The following PPP4R4 variants were observed in gnomAD, a reference collection of about 807,000 sequenced individuals.
PPP4R4 encodes protein phosphatase 4 regulatory subunit 4, also known as serine/threonine-protein phosphatase 4 regulatory subunit 4.
PPP4R4 carries 70 observed loss-of-function variants against 121.8 expected under a neutral mutation model. That is an observed-to-expected ratio of 0.57 (90% CI 0.47 to 0.70). The LOEUF is 0.70. PPP4R4 is among the 30% of genes least tolerant of loss of function. The pLI, the probability that PPP4R4 is intolerant of heterozygous loss-of-function variation, is 0.00. For missense variants in PPP4R4, 875 were observed against 1,033.6 expected (o/e 0.85, Z 2.10); for synonymous variants, 348 against 355.7 (o/e 0.98, Z 0.24).
At chr14:94,227,211 A>G (rs1891763266) in intron 3 of PPP4R4, 2 of 1,176,386 alleles carry the variant, frequency 1.7e-6, no homozygotes. Flanking sequence ...TACAATAGTA[A>G]TGTAAGAGGA....
At position 94,200,981 on chromosome 14, in the gene PPP4R4, C is replaced by A. The variant is rs141862668; in HGVS notation, c.192-7483C>A. The stretch of plus-strand genomic sequence containing the variant: ...GACATTTAATGCTATGAACTCTCCT[C>A]TTAGCACCGCTTTTGCTCTATCCCA... On this transcript the variant is annotated intron_variant, in intron 2 of 24. Coordinates refer to ENST00000304338, the MANE Select transcript of PPP4R4 (RefSeq NM_058237.2). Among the ~76,000 whole-genome samples, 276 of 152,270 alleles carry A rather than the reference C, an allele frequency of 1.8e-3. 3 individuals are homozygous for A. In the South Asian group the frequency reaches 0.029, roughly 16 times the overall value.
intron 12 of PPP4R4, among the ~76,000 whole-genome samples, chr14:94,245,261 A>G (rs1482413000): frequency 6.6e-6 from 1 of 152,190 alleles, no homozygotes; most frequent in Non-Finnish European, 1.5e-5. Context: ...CACTGAGAAT[A>G]TTATCCAATT....
At chr14:94,239,801 T>C (rs1452313031) in intron 8 of PPP4R4, among the ~76,000 whole-genome samples, 1 of 152,168 alleles carries the variant, frequency 6.6e-6, no homozygotes, top group Non-Finnish European at 1.5e-5. Flanking sequence ...CTTATATTTT[T>C]TGTGTTTGGC....
At chr14:94,230,442 C>T in intron 3 of PPP4R4, 145 bp from the exon 4 acceptor site, 2 of 692,998 alleles carry the variant, frequency 2.9e-6, no homozygotes, top group Non-Finnish European at 2.3e-6. Flanking sequence ...TAATATAGTT[C>T]TCTGAAATAA....
chr14:94,262,065 A>G lies in PPP4R4; in HGVS notation c.2127+2696A>G, dbSNP rs190185551. Among the ~76,000 whole-genome samples the G allele has an allele frequency of 3.9e-5, 6 of 152,138 alleles. No individual in the cohort carries two copies. The East Asian group carries it at 1.2e-3, about 29-fold the overall frequency. On this transcript the variant is annotated intron_variant, in intron 19 of 24. Transcript: ENST00000304338. ...AATGTTATTCTGGCCTCATAAAACA[A>G]GATGGATGGTATTCCCACCTTCTCT...
At chr14:94,238,220 C>T (rs1278998040) in intron 8 of PPP4R4, among the ~76,000 whole-genome samples, 1 of 152,260 alleles carries the variant, frequency 6.6e-6, no homozygotes, top group Non-Finnish European at 1.5e-5. Flanking sequence ...ACCCATGCGG[C>T]CCCACCTCTT....
At chr14:94,255,949 C>T (rs1330996579) in intron 16 of PPP4R4, among the ~76,000 whole-genome samples, 1 of 152,124 alleles carries the variant, frequency 6.6e-6, no homozygotes, top group African/African-American at 2.4e-5. Context: ...GCATAGTGGC[C>T]AATTTGCTCA....
intron 5 of PPP4R4, among the ~76,000 whole-genome samples, chr14:94,233,373 A>G (rs1892157622): frequency 6.6e-6 from 1 of 152,226 alleles, no homozygotes; most frequent in African/African-American, 2.4e-5. Context: ...TGTATTTCAA[A>G]ATTCTACTTT....
At position 94,264,832 on chromosome 14, in the gene PPP4R4, C is replaced by T. The variant is rs1893954496; in HGVS notation, c.2128-46C>T. ...TAATTTCTCAGAACAATTTTCTAGA[C>T]CTACTTCAGTTGTACCTTTAATGCA... On this transcript the variant is annotated intron_variant, in intron 19 of 24. Coordinates refer to ENST00000304338, the MANE Select transcript of PPP4R4 (RefSeq NM_058237.2). 2.9e-6 allele frequency: 4 copies of T among 1,380,276 alleles called. No homozygotes were observed. In the South Asian group the frequency reaches 5.0e-5, roughly 17 times the overall value. 85.5% of individuals were successfully genotyped at this position (1,380,276 alleles called of 1,614,324 possible). A position where few individuals can be genotyped will look rare whatever the true frequency, so the allele number is the denominator to read the frequency against.
At chr14:94,249,638 A>G (rs989597270) in intron 14 of PPP4R4, among the ~76,000 whole-genome samples, 10 of 152,056 alleles carry the variant, frequency 6.6e-5, no homozygotes, top group African/African-American at 2.4e-4. Flanking sequence ...TGAAAGGACA[A>G]AGGGACTTGA....
chr14:94,233,346 C>A (rs1373127589), intron 5 of PPP4R4, among the ~76,000 whole-genome samples: 1 of 152,142 alleles, frequency 6.6e-6, no homozygotes, highest in Non-Finnish European at 1.5e-5. Context: ...ATTATTTGCT[C>A]TTTTCTTTTT....
At chr14:94,231,135 A>G in intron 4 of PPP4R4, 107 bp from the exon 5 acceptor site, 1 of 831,018 alleles carries the variant, frequency 1.2e-6, no homozygotes, top group South Asian at 2.4e-5. Flanking sequence ...AATGAAAATA[A>G]TTATTTCCAT....
At chr14:94,248,885 A>G (rs1893033783) in intron 14 of PPP4R4, among the ~76,000 whole-genome samples, 1 of 152,108 alleles carries the variant, frequency 6.6e-6, no homozygotes, top group Non-Finnish European at 1.5e-5. Flanking sequence ...GTGGCGTAGT[A>G]GCTATTTTTA....
Position 94,279,291 on chromosome 14 carries a change from G to A in PPP4R4, c.*648G>A, listed in dbSNP as rs1894808678. 2 of 152,526 alleles carry A rather than the reference G, an allele frequency of 1.3e-5. No individual in the cohort carries two copies. The highest frequency in any genetic ancestry group is 4.8e-5 in the African/African-American group (2 of 41,408). The allele number at this position is 152,526 out of a possible 1,614,324, so 9.4% of individuals were successfully genotyped here. ...AGCTATAAATACCTTAAAAATAATA[G>A]ATTGATGATTTTCTTTATTTCCTAG... On this transcript the variant is annotated 3_prime_UTR_variant, in exon 25 of 25. Coordinates refer to ENST00000304338, the MANE Select transcript of PPP4R4 (RefSeq NM_058237.2).
chr14:94,237,998 A>C (rs1224788792), intron 8 of PPP4R4, among the ~76,000 whole-genome samples: 1 of 152,216 alleles, frequency 6.6e-6, no homozygotes, highest in African/African-American at 2.4e-5. Context: ...GTTTCTGATG[A>C]GGGCCTCATG....
In PPP4R4 at chr14:94,240,715, G is replaced by T; in HGVS notation, c.896G>T (p.Cys299Phe). Reference protein sequence around the residue: ...QTILPLVKSFCEKSFKADESI... With the variant: ...QTILPLVKSFFEKSFKADESI... ...ATACTTCCCTTAGTGAAATCATTTT[G>T]TGAAAAATCTTTCAAAGCAGATGAA... The change falls in exon 9 of 25, where the codon TGT becomes TTT. Residue 299 changes from cysteine to phenylalanine, a missense_variant. Coordinates refer to ENST00000304338, the MANE Select transcript of PPP4R4 (RefSeq NM_058237.2). The T allele has an allele frequency of 1.9e-6, 3 of 1,604,038 alleles. No homozygotes were observed. Among genetic ancestry groups the T allele is most frequent in the South Asian group, 1.1e-5 (1 of 89,254 alleles).
At chr14:94,181,797 T>A (rs550174097) in intron 2 of PPP4R4, among the ~76,000 whole-genome samples, 4 of 152,268 alleles carry the variant, frequency 2.6e-5, no homozygotes, top group Non-Finnish European at 2.9e-5. Flanking sequence ...CTAAAACTTT[T>A]AACTTAATTT....
At chr14:94,263,955 G>A (rs1358560955) in intron 19 of PPP4R4, among the ~76,000 whole-genome samples, 2 of 152,116 alleles carry the variant, frequency 1.3e-5, no homozygotes, top group Non-Finnish European at 2.9e-5. Context: ...TAGCATGTCA[G>A]TTATACCAAG....
At chr14:94,272,484 C>A (rs1038226372) in intron 23 of PPP4R4, among the ~76,000 whole-genome samples, 5 of 152,106 alleles carry the variant, frequency 3.3e-5, no homozygotes, top group Non-Finnish European at 2.9e-5. Flanking sequence ...ATCTTTTACA[C>A]CCTTCACAAA....
Sources: allele counts gnomAD v4.1 joint callset (sites outside exome capture counted in the v4.1 genomes callset), GRCh38; gene constraint gnomAD v4.1.1; transcripts MANE v1.5; gene names NCBI Gene and HGNC (gene_info 2026-07-23, HGNC 2026-07-21).